ABCC1: variants seen among roughly 807,000 people sequenced by gnomAD.
The protein encoded by ABCC1 is ATP binding cassette subfamily C member 1 (ABCC1 blood group).
In ABCC1, 83 loss-of-function variants were observed where a neutral mutation model predicts 172.9. The ratio of observed to expected loss-of-function variants is 0.48; its 90% CI spans 0.40 to 0.58. The LOEUF is 0.58. ABCC1 is among the 20% of genes least tolerant of loss of function. The pLI, the probability that ABCC1 is intolerant of heterozygous loss-of-function variation, is 0.00. For missense variants in ABCC1, 1,817 were observed against 2,002.7 expected (o/e 0.91, Z 1.77); for synonymous variants, 937 against 825.2 (o/e 1.14, Z -2.32).
intron 18 of ABCC1, among the ~76,000 whole-genome samples, chr16:16,089,880 CAA>C (rs5815856): frequency 1.4e-4 from 15 of 104,254 alleles, no homozygotes; most frequent in Non-Finnish European, 1.3e-4. Context: ...AACTCTGTCT[CAA>C]AAAAAAAAAA....
At chr16:16,014,231 A>C (rs2047902813) in intron 3 of ABCC1, among the ~76,000 whole-genome samples, 1 of 152,154 alleles carries the variant, frequency 6.6e-6, no homozygotes, top group East Asian at 1.9e-4. Flanking sequence ...GGATCACCTG[A>C]GGTCAGGAGT....
At chr16:16,098,726 G>C (rs981244933) in intron 19 of ABCC1, 48 of 633,328 alleles carry the variant, frequency 7.6e-5, no homozygotes, top group Admixed American at 1.1e-4. Flanking sequence ...TGGGGAAACT[G>C]ACGCACAAAT....
intron 28 of ABCC1, among the ~76,000 whole-genome samples, chr16:16,136,007 T>C (rs1390136506): frequency 3.3e-5 from 3 of 90,876 alleles, no homozygotes; most frequent in Non-Finnish European, 4.6e-5. Context: ...ACTCAGACTT[T>C]CCAGACTTTT....
At position 16,007,942 on chromosome 16, in the gene ABCC1, C is replaced by G; in HGVS notation, c.175C>G (p.Arg59Gly). 2 of 1,609,464 alleles carry G rather than the reference C, an allele frequency of 1.2e-6. No individual in the cohort carries two copies. The highest frequency in any genetic ancestry group is 1.7e-6 in the Non-Finnish European group (2 of 1,178,778). ...CFPFYFLYLS[R>G]HDRGYIQMTP... is the part of the protein sequence containing the mutation. ...CCCCTTCTACTTCCTCTATCTCTCC[C>G]GACATGACCGAGGCTACATTCAGAT... Residue 59 changes from arginine (R) to glycine (G), a missense_variant, in exon 2 of 31, where the codon CGA becomes GGA. Arg to Gly is a moderately radical substitution (Grantham distance 125). Around this residue, in one of 3 missense-constraint regions of ABCC1, gnomAD observed 398 missense variants for 384.2 expected, o/e 1.04. Transcript: ENST00000399410.
At chr16:16,088,870 A>ATTTATT (rs1175612249) in intron 18 of ABCC1, among the ~76,000 whole-genome samples, 1 of 151,946 alleles carries the variant, frequency 6.6e-6, no homozygotes, top group Non-Finnish European at 1.5e-5. Flanking sequence ...TGCCTGGCTA[A>ATTTATT]TTTATTTTTA....
chr16:16,003,130 GGATGGATGGATGAACTGTTGGGTGGGTA>G (rs2047379022), intron 1 of ABCC1, among the ~76,000 whole-genome samples: 2 of 152,236 alleles, frequency 1.3e-5, no homozygotes, highest in Admixed American at 6.5e-5. Flanking sequence ...ATTGGTTGGT[GGATGGATGGATGAACTGTTGGGTGGGTA>G]GATGGATTGA....
At chr16:16,083,110 C>T (rs1171738967) in intron 16 of ABCC1, among the ~76,000 whole-genome samples, 2 of 152,220 alleles carry the variant, frequency 1.3e-5, no homozygotes, top group African/African-American at 4.8e-5. Flanking sequence ...AAGTAAATAA[C>T]TGTAATCTTA....
intron 1 of ABCC1, among the ~76,000 whole-genome samples, chr16:15,979,263 C>A (rs1392713780): frequency 6.6e-6 from 1 of 151,960 alleles, no homozygotes; most frequent in Non-Finnish European, 1.5e-5. Context: ...TGCACTCCAG[C>A]CTGGAGACAG....
Position 15,979,546 on chromosome 16 carries a change from A to G in ABCC1, c.49-28270A>G, listed in dbSNP as rs572279378. On this transcript the variant is annotated intron_variant, in intron 1 of 30. Coordinates refer to ENST00000399410, the MANE Select transcript of ABCC1 (RefSeq NM_004996.4). Reference sequence around the variant, plus strand: ...GCTTTTTTGTTGAGATATAATTCACATACCATATGATGCACCTATAAAGTG... The same window carrying G: ...GCTTTTTTGTTGAGATATAATTCACGTACCATATGATGCACCTATAAAGTG... Among the ~76,000 whole-genome samples the G allele has an allele frequency of 5.3e-5, 8 of 152,178 alleles. No homozygotes were observed. In the East Asian group the frequency reaches 7.7e-4, roughly 15 times the overall value.
chr16:15,982,854 C>T (rs137934520), intron 1 of ABCC1, among the ~76,000 whole-genome samples: 4 of 126,448 alleles, frequency 3.2e-5, no homozygotes, highest in South Asian at 5.4e-4. Context: ...GTGTGCTGTA[C>T]AAAAGCAGGC....
chr16:16,024,035 G>C (rs917627153), intron 5 of ABCC1, among the ~76,000 whole-genome samples: 2 of 152,042 alleles, frequency 1.3e-5, no homozygotes, highest in Non-Finnish European at 2.9e-5. Context: ...CCTGGCCAAC[G>C]TGGTAAAACC....
chr16:16,091,052 C>G (rs45590138), intron 19 of ABCC1, among the ~76,000 whole-genome samples: 15,712 of 152,044 alleles, frequency 0.1, 1,183 homozygotes, highest in African/African-American at 0.21. Context: ...GGTTCAATCC[C>G]CGGCCGCTCA....
chr16:16,121,195 C>T (rs560328911), intron 23 of ABCC1, among the ~76,000 whole-genome samples: 23 of 152,160 alleles, frequency 1.5e-4, no homozygotes, highest in African/African-American at 5.3e-4. Flanking sequence ...TGTTTTGTTT[C>T]GTTTGTTTTC....
In ABCC1 at chr16:16,014,528, A is replaced by T. The variant is rs1467815868; in HGVS notation, c.389A>T (p.Lys130Met). ...ATFLIQLERR[K>M]GVQSSGIMLT... ...TTTTTAATTCAGCTGGAGAGGAGGA[A>T]GGGAGTTCAGTCTTCAGGGATCATG... The change falls in exon 4 of 31, where the codon AAG (lysine) becomes ATG (methionine). Residue 130 changes from lysine (K) to methionine (M), a missense_variant. Coordinates refer to ENST00000399410, the MANE Select transcript of ABCC1 (RefSeq NM_004996.4). 1 of 1,614,100 alleles carries T rather than the reference A, an allele frequency of 6.2e-7. No homozygotes were observed. The highest frequency in any genetic ancestry group is 2.2e-5 in the East Asian group (1 of 44,884).
At chr16:16,016,245 C>T (rs2047992331) in intron 4 of ABCC1, among the ~76,000 whole-genome samples, 1 of 149,464 alleles carries the variant, frequency 6.7e-6, no homozygotes, top group Admixed American at 6.8e-5. Context: ...CCTCCGCCTC[C>T]TGGGTTCAAG....
intron 7 of ABCC1, among the ~76,000 whole-genome samples, chr16:16,043,566 C>G (rs1287181635): frequency 1.3e-5 from 2 of 151,904 alleles, no homozygotes; most frequent in Non-Finnish European, 2.9e-5. Context: ...TCCCATAGTG[C>G]TGGGATTACA....
At chr16:16,082,764 C>T (rs1425276614) in intron 16 of ABCC1, among the ~76,000 whole-genome samples, 4 of 152,190 alleles carry the variant, frequency 2.6e-5, no homozygotes, top group African/African-American at 9.6e-5. Context: ...CCTCCCACCT[C>T]AGCCTCCCAA....
At chr16:16,133,430 C>CT (rs1280857523) in intron 27 of ABCC1, among the ~76,000 whole-genome samples, 3 of 151,672 alleles carry the variant, frequency 2.0e-5, no homozygotes, top group African/African-American at 7.3e-5. Context: ...TTGAGACAGC[C>CT]TCTCACTCTG....
intron 19 of ABCC1, among the ~76,000 whole-genome samples, chr16:16,097,308 G>A (rs912386745): frequency 2.6e-5 from 4 of 152,090 alleles, no homozygotes; most frequent in Non-Finnish European, 4.4e-5. Flanking sequence ...AGACGGCGTT[G>A]TGCCACATTG....
Sources: gnomAD v4.1 joint callset for allele counts (sites outside exome capture counted in the v4.1 genomes callset) on GRCh38, gnomAD v4.1.1 for gene constraint, gnomAD v4.1.1 regional missense constraint, MANE v1.5 for transcripts, NCBI Gene and HGNC (gene_info 2026-07-23, HGNC 2026-07-21) for gene names.